FGFR3: variants seen among roughly 807,000 people sequenced by gnomAD.
FGFR3 encodes FGFR-3.
A neutral mutation model predicts 82.9 loss-of-function variants in FGFR3; 25 were observed. The observed-to-expected ratio is 0.30, with a 90% CI of 0.22 to 0.42. The LOEUF is 0.42. Ranked by LOEUF, FGFR3 falls within the 10% of genes least tolerant of loss-of-function variation. The pLI is 1.00. For missense variants in FGFR3, 1,026 were observed against 1,161.0 expected, an observed-to-expected ratio of 0.88 and a Z score of 1.69; for synonymous variants, 620 against 516.0, an observed-to-expected ratio of 1.20 and a Z score of -2.73.
chr4:1,803,889 C>G, intron 8 of FGFR3, 53 bp downstream of exon 8: 1 of 1,573,078 alleles, frequency 6.4e-7, no homozygotes, highest in Non-Finnish European at 8.7e-7. Flanking sequence ...GACGCTGGCT[C>G]GGGACACGCC....
At position 1,801,835 on chromosome 4, in the gene FGFR3, A is replaced by C. The variant is rs2108783219; in HGVS notation, c.740A>C (p.Glu247Ala). 1 of 1,605,496 alleles carries C rather than the reference A, an allele frequency of 6.2e-7. No individual in the cohort carries two copies. Among genetic ancestry groups the C allele is most frequent in the Non-Finnish European group, 8.5e-7 (1 of 1,175,326 alleles). ...IRQTYTLDVL[E>A]RSPHRPILQA... The stretch of plus-strand genomic sequence containing the variant: ...CCCTGAGCGTCATCTGCCCCCACAG[A>C]GCGCTCCCCGCACCGGCCCATCCTG... The change falls in exon 7 of 18, where the codon GAG (glutamate) becomes GCG (alanine). Residue 247 changes from glutamate to alanine, a missense_variant and splice_region_variant. Glu to Ala is a moderately radical substitution (Grantham distance 107). Coordinates refer to ENST00000440486, the MANE Select transcript of FGFR3 (RefSeq NM_000142.5).
At chr4:1,803,157 C>T (rs985415331) in intron 7 of FGFR3, 23 of 1,346,766 alleles carry the variant, frequency 1.7e-5, no homozygotes, top group Middle Eastern at 4.8e-4. Flanking sequence ...CAGCCCTGCT[C>T]GCTCCCGCCC....
rs1026479740 is a variant in FGFR3 at position 1,806,488 on chromosome 4, C to T, written c.2031-58C>T. ...CAGCCCTGGCCTATTCCCCTGGTGCCCGCCCAGGTGTCTGTCCTGGGAGTC... is the reference window on the plus strand; with the variant it reads ...CAGCCCTGGCCTATTCCCCTGGTGCTCGCCCAGGTGTCTGTCCTGGGAGTC... On this transcript the variant is annotated intron_variant, in intron 15 of 17. Coordinates refer to ENST00000440486, the MANE Select transcript of FGFR3 (RefSeq NM_000142.5). 5 of 1,611,904 alleles carry T rather than the reference C, an allele frequency of 3.1e-6. No individual in the cohort carries two copies. In the African/African-American group the frequency reaches 6.7e-5, roughly 22 times the overall value.
At position 1,799,788 on chromosome 4, in the gene FGFR3, G is replaced by A. The variant is rs1403627710; in HGVS notation, c.421G>A (p.Ala141Thr). ...SGDDEDGEDE[A>T]EDTGVDTGAP... ...AGATGACGAAGACGGGGAGGACGAGGCTGAGGACACAGGTGTGGACACAGG... is the reference window on the plus strand; with the variant it reads ...AGATGACGAAGACGGGGAGGACGAGACTGAGGACACAGGTGTGGACACAGG... Residue 141 changes from alanine to threonine, a missense_variant, in exon 4 of 18, where the codon GCT (alanine) becomes ACT (threonine). Ala to Thr is a moderately conservative substitution (Grantham distance 58, BLOSUM62 0). Transcript: ENST00000440486. 4 of 1,612,876 alleles carry A rather than the reference G, an allele frequency of 2.5e-6. No homozygotes were observed. In the African/African-American group the frequency reaches 4.0e-5, roughly 16 times the overall value.
At chr4:1,803,162 C>T (rs1273372814) in intron 7 of FGFR3, 3 of 1,332,656 alleles carry the variant, frequency 2.3e-6, no homozygotes, top group East Asian at 3.1e-5. Context: ...CTGCTCGCTC[C>T]CGCCCCGGCT....
chr4:1,801,166 G>A (rs978192715), intron 4 of FGFR3, among the ~76,000 whole-genome samples: 4 of 152,214 alleles, frequency 2.6e-5, no homozygotes, highest in African/African-American at 9.7e-5. Context: ...GGGAGGGGAG[G>A]GGACACACGG....
chr4:1,804,972 C>G lies in FGFR3; in HGVS notation c.1412+3C>G, dbSNP rs2108800536. ...AAATGGGAGCTGTCTCGGGCCCGGTCAGTGGTGCTGAGGGCCAGCGTTGGC... is the reference window on the plus strand; with the variant it reads ...AAATGGGAGCTGTCTCGGGCCCGGTGAGTGGTGCTGAGGGCCAGCGTTGGC... On this transcript the variant is annotated splice_donor_region_variant and intron_variant, in intron 10 of 17. Transcript: ENST00000440486. The G allele has an allele frequency of 3.9e-6, 6 of 1,548,278 alleles. No individual in the cohort carries two copies. Among genetic ancestry groups the G allele is most frequent in the Non-Finnish European group, 5.2e-6 (6 of 1,145,500 alleles).
Position 1,804,839 on chromosome 4 carries a change from A to G in FGFR3, c.1282A>G (p.Asn428Asp). ...ACCCAAGCAGGTGTCCCTGGAGTCCAACGCGTCCATGAGCTCCAACACACC... is the reference window on the plus strand; with the variant it reads ...ACCCAAGCAGGTGTCCCTGGAGTCCGACGCGTCCATGAGCTCCAACACACC... ...PLKRQVSLESNASMSSNTPLV... is the reference protein window; with the variant it reads ...PLKRQVSLESDASMSSNTPLV... Residue 428 changes from asparagine (N) to aspartate (D), a missense_variant, in exon 10 of 18, where the codon AAC becomes GAC. By Grantham distance (23) the Asn-to-Asp change is conservative. Around this residue, in one of 9 missense-constraint regions of FGFR3, gnomAD observed 256 missense variants for 217.6 expected, o/e 1.18. Coordinates refer to ENST00000440486, the MANE Select transcript of FGFR3 (RefSeq NM_000142.5). 6.5e-7 allele frequency: 1 copy of G among 1,549,892 alleles called. No individual in the cohort carries two copies. The highest frequency in any genetic ancestry group is 8.7e-7 in the Non-Finnish European group (1 of 1,146,924).
chr4:1,801,168 GAC>G (rs1440196265), intron 4 of FGFR3, among the ~76,000 whole-genome samples, 197 bp from the exon 5 acceptor site: 1 of 152,208 alleles, frequency 6.6e-6, no homozygotes, highest in Non-Finnish European at 1.5e-5. Flanking sequence ...GAGGGGAGGG[GAC>G]ACACGGCCCA....
At chr4:1,795,877 C>T (rs1244559728) in intron 2 of FGFR3, among the ~76,000 whole-genome samples, 2 of 152,314 alleles carry the variant, frequency 1.3e-5, no homozygotes, top group Admixed American at 1.3e-4. Flanking sequence ...GGACTTTGAG[C>T]CGCGTGGGCC....
At chr4:1,804,233 C>A in intron 8 of FGFR3, 97 bp from the exon 9 acceptor site, 2 of 1,397,184 alleles carry the variant, frequency 1.4e-6, no homozygotes, top group Non-Finnish European at 9.6e-7. Context: ...AGCCCCCTTC[C>A]GCTCCCAGTG....
In FGFR3 at chr4:1,805,791, C is replaced by G; in HGVS notation, c.1687C>G (p.Leu563Val). ...GGTGGAGTACGCGGCCAAGGGTAAC[C>G]TGCGGGAGTTTCTGCGGGCGCGGCG... is the stretch of plus-strand genomic sequence containing the variant. ...VLVEYAAKGNLREFLRARRPP... is the reference protein window; with the variant it reads ...VLVEYAAKGNVREFLRARRPP... The change falls in exon 13 of 18, where the codon CTG (leucine) becomes GTG (valine). Residue 563 changes from leucine to valine, a missense_variant. This residue lies in a region of FGFR3 where 164 missense variants were observed against 167.5 expected (regional missense o/e 0.98). Transcript: ENST00000440486. The G allele has an allele frequency of 6.2e-7, 1 of 1,612,688 alleles. No individual in the cohort carries two copies. Among genetic ancestry groups the G allele is most frequent in the Non-Finnish European group, 8.5e-7 (1 of 1,179,854 alleles).
At chr4:1,800,495 G>T (rs901235641) in intron 4 of FGFR3, among the ~76,000 whole-genome samples, 1 of 152,082 alleles carries the variant, frequency 6.6e-6, no homozygotes, top group Non-Finnish European at 1.5e-5. Flanking sequence ...GGGCCAGTGG[G>T]GTAAGCAGGT....
intron 4 of FGFR3, among the ~76,000 whole-genome samples, chr4:1,800,472 G>A (rs1200906804): frequency 6.6e-6 from 1 of 152,092 alleles, no homozygotes; most frequent in Non-Finnish European, 1.5e-5. Context: ...GATGGTGTGT[G>A]CGCTGGGTCC....
chr4:1,794,704 C>T (rs1293321545), intron 2 of FGFR3, among the ~76,000 whole-genome samples: 1 of 152,096 alleles, frequency 6.6e-6, no homozygotes, highest in African/African-American at 2.4e-5. Context: ...GAAGGGAGGT[C>T]CCAAGGGGCG....
chr4:1,798,742 C>T (rs1244877766), intron 2 of FGFR3, among the ~76,000 whole-genome samples: 2 of 152,154 alleles, frequency 1.3e-5, no homozygotes, highest in African/African-American at 4.8e-5. Flanking sequence ...TGGGGTGAAT[C>T]TGCACCACGA....
intron 7 of FGFR3, chr4:1,803,259 A>C (rs1577280663): frequency 1.5e-6 from 1 of 665,040 alleles, no homozygotes; most frequent in Non-Finnish European, 2.3e-6. Flanking sequence ...GCCTGCGCCG[A>C]CCCTTCCCGC....
intron 7 of FGFR3, chr4:1,803,008 A>G (rs1721389974): frequency 3.7e-6 from 6 of 1,601,378 alleles, no homozygotes; most frequent in Non-Finnish European, 5.1e-6. Flanking sequence ...CGAGCCACCA[A>G]TTTCATAGGC....
chr4:1,798,649 G>T (rs918912225), intron 2 of FGFR3, among the ~76,000 whole-genome samples: 10 of 151,478 alleles, frequency 6.6e-5, no homozygotes, highest in Non-Finnish European at 1.2e-4. Flanking sequence ...CTTCCTTCTC[G>T]CCTGTTCTGT....
Sources: gnomAD v4.1 joint callset for allele counts (sites outside exome capture counted in the v4.1 genomes callset) on GRCh38, gnomAD v4.1.1 for gene constraint, gnomAD v4.1.1 regional missense constraint, MANE v1.5 for transcripts, NCBI Gene and HGNC (gene_info 2026-07-23, HGNC 2026-07-21) for gene names.